The following ANKRD34B variants were observed in gnomAD, a reference collection of about 807,000 sequenced individuals.
ANKRD34B encodes the protein ankyrin repeat domain 34B.
In ANKRD34B, 2 loss-of-function variants were observed where a neutral mutation model predicts 4.4. That is an observed-to-expected ratio of 0.46 (90% CI 0.19 to 1.44). ANKRD34B has a LOEUF of 1.44. ANKRD34B is among the 40% of genes most tolerant of loss of function. The pLI, the probability that ANKRD34B is intolerant of heterozygous loss-of-function variation, is 0.26. For synonymous variants in ANKRD34B, 226 were observed against 227.1 expected, an observed-to-expected ratio of 0.99 and a Z score of 0.05; for missense variants, 558 against 604.7, an observed-to-expected ratio of 0.92 and a Z score of 0.81.
chr5:80,560,148 G>T (rs1746377339), intron 4 of ANKRD34B, 106 bp from the exon 5 acceptor site: 1 of 639,062 alleles, frequency 1.6e-6, no homozygotes, highest in Non-Finnish European at 2.6e-6. Context: ...GGACATAAAT[G>T]GGATCATGCT....
At chr5:80,564,953 C>T (rs750403229) in intron 3 of ANKRD34B, among the ~76,000 whole-genome samples, 5 of 152,250 alleles carry the variant, frequency 3.3e-5, no homozygotes, top group Non-Finnish European at 5.9e-5. Context: ...GATCTGCCTG[C>T]CTCAGCCTCC....
chr5:80,566,120 G>T (rs931495698), intron 3 of ANKRD34B, among the ~76,000 whole-genome samples: 9 of 152,116 alleles, frequency 5.9e-5, no homozygotes, highest in African/African-American at 2.2e-4. Context: ...AAAATTGGAG[G>T]AGAGATACCA....
Position 80,559,393 on chromosome 5 carries a change from A to G in ANKRD34B, c.627T>C (p.Phe209=). ...CAGCAAGCTCAAGATCTTTAAAGCC[A>G]AAAAGCGTCAGTTCCGTTTCAGAAG... is the stretch of plus-strand genomic sequence containing the variant. ...SHSSETELTL[F]GFKDLELAGS... is the part of the protein sequence containing the mutation. The change falls in exon 5 of 5, where the codon TTT becomes TTC. Residue 209 remains phenylalanine, a synonymous_variant. Transcript: ENST00000338682. The G allele has an allele frequency of 6.2e-7, 1 of 1,614,230 alleles. No homozygotes were observed. Among genetic ancestry groups the G allele is most frequent in the Non-Finnish European group, 8.5e-7 (1 of 1,180,036 alleles).
chr5:80,569,280 GCGC>G (rs1409634410), intron 1 of ANKRD34B, among the ~76,000 whole-genome samples, 173 bp from the exon 2 acceptor site: 1 of 152,176 alleles, frequency 6.6e-6, no homozygotes, highest in Non-Finnish European at 1.5e-5. Context: ...AGCGGTCCCT[GCGC>G]CGCTCGCCCG....
Position 80,558,593 on chromosome 5 carries a change from C to T in ANKRD34B, c.1427G>A (p.Gly476Asp). 1 of 1,613,972 alleles carries T rather than the reference C, an allele frequency of 6.2e-7. No individual in the cohort carries two copies. The highest frequency in any genetic ancestry group is 8.5e-7 in the Non-Finnish European group (1 of 1,179,950). ...AACTGTTGGCATAAGCACTTTTTGA[C>T]CACAAGAAAGAAGGCTGCAAATCTT... ...NNKICSLLSC[G>D]QKVLMPTVPI... Residue 476 changes from glycine (G) to aspartate (D), a missense_variant, in exon 5 of 5, where the codon GGT becomes GAT. Transcript: ENST00000338682.
rs1053123457 is a variant in ANKRD34B, at chr5:80,556,892, A to G, written c.*1583T>C. 6.6e-6 allele frequency: 1 copy of G among 152,596 alleles called. No individual in the cohort carries two copies. Among genetic ancestry groups the G allele is most frequent in the Non-Finnish European group, 1.5e-5 (1 of 68,016 alleles). 9.5% of individuals were successfully genotyped at this position (152,596 alleles called of 1,614,324 possible). On this transcript the variant is annotated 3_prime_UTR_variant, in exon 5 of 5. Transcript: ENST00000338682. Reference sequence around the variant, plus strand: ...TTGCAGAAAGCATTTAAATACCTATAAATATCAGGTACAATTCTAAGTTCT... The same window carrying G: ...TTGCAGAAAGCATTTAAATACCTATGAATATCAGGTACAATTCTAAGTTCT...
rs771330677 is a variant in ANKRD34B, at chr5:80,559,782, G to C, written c.238C>G (p.Gln80Glu). 7 of 1,614,208 alleles carry C rather than the reference G, an allele frequency of 4.3e-6. No homozygotes were observed. In the South Asian group the frequency reaches 6.6e-5, roughly 15 times the overall value. The change falls in exon 5 of 5, where the codon CAG (glutamine) becomes GAG (glutamate). Residue 80 changes from glutamine to glutamate, a missense_variant. Gln to Glu is a conservative substitution (Grantham distance 29). Transcript: ENST00000338682. ...LLENNADPNI[Q>E]DKSGKTALMH... Reference sequence around the variant, plus strand: ...AGAGCCGTTTTCCCAGATTTGTCCTGTATGTTGGGATCGGCATTGTTCTCT... The same window carrying C: ...AGAGCCGTTTTCCCAGATTTGTCCTCTATGTTGGGATCGGCATTGTTCTCT...
rs756649868 is a variant in ANKRD34B, at chr5:80,558,930, A to C, written c.1090T>G (p.Leu364Val). The C allele has an allele frequency of 1.9e-6, 3 of 1,614,130 alleles. No homozygotes were observed. The highest frequency in any genetic ancestry group is 2.5e-6 in the Non-Finnish European group (3 of 1,180,022). Reference sequence around the variant, plus strand: ...TCAGAGCTGTAGTGATTTGCCCCCAAGTTTCTTTTTTGAACTATACTTCTT... The same window carrying C: ...TCAGAGCTGTAGTGATTTGCCCCCACGTTTCTTTTTTGAACTATACTTCTT... ...TLRSIVQKRN[L>V]GANHYSSDSQ... The change falls in exon 5 of 5, where the codon TTG (leucine) becomes GTG (valine). Residue 364 changes from leucine (L) to valine (V), a missense_variant. Physicochemically the swap from Leu to Val is conservative, Grantham distance 32 (BLOSUM62 1). Coordinates refer to ENST00000338682, the MANE Select transcript of ANKRD34B (RefSeq NM_001004441.3).
chr5:80,561,577 A>G (rs1211939104), intron 4 of ANKRD34B, among the ~76,000 whole-genome samples: 1 of 152,170 alleles, frequency 6.6e-6, no homozygotes, highest in African/African-American at 2.4e-5. Flanking sequence ...ACAAAGATAC[A>G]AGCCCTATCT....
intron 3 of ANKRD34B, among the ~76,000 whole-genome samples, chr5:80,564,735 C>A (rs1217701953): frequency 1.2e-5 from 1 of 85,114 alleles, no homozygotes; most frequent in South Asian, 3.8e-4. Flanking sequence ...GATGGTGTTT[C>A]GCTGTTGTTG....
At chr5:80,568,261 T>G (rs949805819) in intron 2 of ANKRD34B, among the ~76,000 whole-genome samples, 1 of 152,206 alleles carries the variant, frequency 6.6e-6, no homozygotes, top group Non-Finnish European at 1.5e-5. Context: ...AGGCAAACTC[T>G]TCATTCCTCA....
Position 80,560,030 on chromosome 5 carries a change from T to G in ANKRD34B, c.-11A>C. 1 of 1,544,424 alleles carries G rather than the reference T, an allele frequency of 6.5e-7. No individual in the cohort carries two copies. The highest frequency in any genetic ancestry group is 8.7e-7 in the Non-Finnish European group (1 of 1,143,480). On this transcript the variant is annotated 5_prime_UTR_variant, in exon 5 of 5. Coordinates refer to ENST00000338682, the MANE Select transcript of ANKRD34B (RefSeq NM_001004441.3). ...CATACCTTCATCCATCTTCGGAGGT[T>G]AGAACTCAATACCTGGTTATCAAAG... is the stretch of plus-strand genomic sequence containing the variant.
Position 80,558,946 on chromosome 5 carries a change from T to C in ANKRD34B, c.1074A>G (p.Ile358Met). 6.2e-7 allele frequency: 1 copy of C among 1,614,222 alleles called. No homozygotes were observed. Among genetic ancestry groups the C allele is most frequent in the Non-Finnish European group, 8.5e-7 (1 of 1,180,044 alleles). Residue 358 changes from isoleucine to methionine, a missense_variant, in exon 5 of 5, where the codon ATA becomes ATG. Coordinates refer to ENST00000338682, the MANE Select transcript of ANKRD34B (RefSeq NM_001004441.3). ...TTGCCCCCAAGTTTCTTTTTTGAAC[T>C]ATACTTCTTAAGGTGGAAGCAAATA... ...QTIFASTLRS[I>M]VQKRNLGANH...
At position 80,559,753 on chromosome 5, in the gene ANKRD34B, C is replaced by T; in HGVS notation, c.267G>A (p.Met89Ile). The change falls in exon 5 of 5, where the codon ATG becomes ATA. Residue 89 changes from methionine (M) to isoleucine (I), a missense_variant. Physicochemically the swap from Met to Ile is conservative, Grantham distance 10 (BLOSUM62 1). Coordinates refer to ENST00000338682, the MANE Select transcript of ANKRD34B (RefSeq NM_001004441.3). ...IQDKSGKTALMHACLEKAGPE... is the reference protein window; with the variant it reads ...IQDKSGKTALIHACLEKAGPE... ...GGCCAGCTTTTTCTAAGCAAGCATG[C>T]ATCAGAGCCGTTTTCCCAGATTTGT... The T allele has an allele frequency of 6.2e-7, 1 of 1,614,232 alleles. No individual in the cohort carries two copies. The highest frequency in any genetic ancestry group is 8.5e-7 in the Non-Finnish European group (1 of 1,180,052).
chr5:80,564,452 T>C (rs1026442209), intron 3 of ANKRD34B: 4 of 152,330 alleles, frequency 2.6e-5, no homozygotes, highest in African/African-American at 7.2e-5. Flanking sequence ...GCCGGTACTA[T>C]GCTGGCGACG....
At chr5:80,570,068 C>A (rs1746713220) in intron 1 of ANKRD34B, 86 bp downstream of exon 1, 1 of 152,474 alleles carries the variant, frequency 6.6e-6, no homozygotes, top group South Asian at 2.1e-4. Flanking sequence ...TTCCACGCTG[C>A]GCCCTCGATG....
At chr5:80,565,571 G>C (rs1018424810) in intron 3 of ANKRD34B, among the ~76,000 whole-genome samples, 1 of 152,232 alleles carries the variant, frequency 6.6e-6, no homozygotes, top group Non-Finnish European at 1.5e-5. Context: ...GACAATCATA[G>C]AACGTGCATT....
At position 80,559,017 on chromosome 5, in the gene ANKRD34B, A is replaced by C; in HGVS notation, c.1003T>G (p.Cys335Gly). The C allele has an allele frequency of 6.2e-7, 1 of 1,614,178 alleles. No individual in the cohort carries two copies. Among genetic ancestry groups the C allele is most frequent in the Non-Finnish European group, 8.5e-7 (1 of 1,180,024 alleles). Residue 335 changes from cysteine (C) to glycine (G), a missense_variant, in exon 5 of 5, where the codon TGC becomes GGC. Physicochemically the swap from Cys to Gly is radical, Grantham distance 159. Coordinates refer to ENST00000338682, the MANE Select transcript of ANKRD34B (RefSeq NM_001004441.3). Reference sequence around the variant, plus strand: ...TCCTGGTCAACAGGGACTTCAATGCATTGCTGATTTCCTTCTGAAAGATAA... The same window carrying C: ...TCCTGGTCAACAGGGACTTCAATGCCTTGCTGATTTCCTTCTGAAAGATAA... ...QSYLSEGNQQ[C>G]IEVPVDQDPD... is the part of the protein sequence containing the mutation.
rs374500278 is a variant in ANKRD34B at position 80,559,290 on chromosome 5, G to A, written c.730C>T (p.His244Tyr). 3 of 1,614,056 alleles carry A rather than the reference G, an allele frequency of 1.9e-6. No individual in the cohort carries two copies. In the African/African-American group the frequency reaches 4.0e-5, roughly 22 times the overall value. The change falls in exon 5 of 5, where the codon CAC (histidine) becomes TAC (tyrosine). Residue 244 changes from histidine to tyrosine, a missense_variant. By Grantham distance (83) the His-to-Tyr change is moderately conservative (BLOSUM62 2). Coordinates refer to ENST00000338682, the MANE Select transcript of ANKRD34B (RefSeq NM_001004441.3). ...ALAPKGPKLP[H>Y]APPWVKSPPL... ...GGACTCTTGACCCAGGGTGGAGCGTGGGGGAGCTTGGGCCCCTTAGGGGCC... is the reference window on the plus strand; with the variant it reads ...GGACTCTTGACCCAGGGTGGAGCGTAGGGGAGCTTGGGCCCCTTAGGGGCC...
Sources: allele counts gnomAD v4.1 joint callset (sites outside exome capture counted in the v4.1 genomes callset), GRCh38; gene constraint gnomAD v4.1.1; transcripts MANE v1.5; gene names NCBI Gene and HGNC (gene_info 2026-07-23, HGNC 2026-07-21).